The following SERGEF variants were observed in gnomAD, a reference collection of about 807,000 sequenced individuals.
SERGEF encodes the protein secretion-regulating guanine nucleotide exchange factor.
SERGEF carries 51 observed loss-of-function variants against 50.0 expected under a neutral mutation model. That is an observed-to-expected ratio of 1.02 (90% CI 0.81 to 1.29). The LOEUF is 1.29. SERGEF is among the 50% of genes most tolerant of loss of function. The pLI is 0.00. For synonymous variants in SERGEF, 205 were observed against 212.4 expected, an observed-to-expected ratio of 0.97 and a Z score of 0.30; for missense variants, 521 against 557.0, an observed-to-expected ratio of 0.94 and a Z score of 0.65.
rs1851274882 is a variant in SERGEF, at chr11:17,878,248, T to C, written c.1012-4A>G. On this transcript the variant is annotated splice_polypyrimidine_tract_variant and splice_region_variant and intron_variant, in intron 9 of 10. Coordinates refer to ENST00000265965, the MANE Select transcript of SERGEF (RefSeq NM_012139.4). ...TATGCTCTGAGCCACAAGAGACCTGTAAAAAAAAAAAAAGACAAAGAAAAT... is the reference window on the plus strand; with the variant it reads ...TATGCTCTGAGCCACAAGAGACCTGCAAAAAAAAAAAAAGACAAAGAAAAT... 1 of 1,073,028 alleles carries C rather than the reference T, an allele frequency of 9.3e-7. No individual in the cohort carries two copies. Among genetic ancestry groups the C allele is most frequent in the South Asian group, 1.7e-5 (1 of 58,800 alleles). The allele number at this position is 1,073,028 out of a possible 1,614,324, so 66.5% of individuals were successfully genotyped here.
intron 10 of SERGEF, among the ~76,000 whole-genome samples, chr11:17,849,025 A>G (rs1850667016): frequency 1.3e-5 from 2 of 152,236 alleles, no homozygotes; most frequent in South Asian, 4.1e-4. Context: ...CAAATCATAG[A>G]GAGATGAAAT....
At chr11:17,828,496 G>A (rs1476841245) in intron 10 of SERGEF, among the ~76,000 whole-genome samples, 1 of 152,218 alleles carries the variant, frequency 6.6e-6, no homozygotes, top group Non-Finnish European at 1.5e-5. Context: ...ACTTCAAGTG[G>A]AGGATCTGGC....
At chr11:17,887,161 C>T (rs1451054793) in intron 9 of SERGEF, among the ~76,000 whole-genome samples, 1 of 152,222 alleles carries the variant, frequency 6.6e-6, no homozygotes. Flanking sequence ...ATAGATCCTA[C>T]TGCTGAGGGC....
intron 6 of SERGEF, among the ~76,000 whole-genome samples, chr11:17,994,900 C>T (rs749680211): frequency 6.6e-6 from 1 of 152,166 alleles, no homozygotes; most frequent in Non-Finnish European, 1.5e-5. Context: ...TCCCACCATC[C>T]TCAAAAATCC....
chr11:17,810,878 CT>C (rs942986193), intron 10 of SERGEF, among the ~76,000 whole-genome samples: 8 of 152,038 alleles, frequency 5.3e-5, no homozygotes, highest in African/African-American at 1.9e-4. Flanking sequence ...CAAGCCAAGC[CT>C]AGCCACCGGA....
At chr11:17,890,491 G>T (rs112476684) in intron 9 of SERGEF, among the ~76,000 whole-genome samples, 1 of 152,078 alleles carries the variant, frequency 6.6e-6, no homozygotes, top group Non-Finnish European at 1.5e-5. Context: ...TTTTTCTCAC[G>T]TTTTCTCTCA....
intron 8 of SERGEF, among the ~76,000 whole-genome samples, chr11:17,981,333 G>A (rs1853491507): frequency 6.6e-6 from 1 of 152,168 alleles, no homozygotes; most frequent in East Asian, 1.9e-4. Context: ...CCAATTGCTT[G>A]CCGAAATGTA....
At chr11:17,833,055 G>A (rs951953358) in intron 10 of SERGEF, among the ~76,000 whole-genome samples, 1 of 152,214 alleles carries the variant, frequency 6.6e-6, no homozygotes, top group Non-Finnish European at 1.5e-5. Flanking sequence ...GTAACGAGGA[G>A]CCAAATGTTA....
intron 10 of SERGEF, among the ~76,000 whole-genome samples, chr11:17,814,624 G>A (rs1054060045): frequency 6.6e-6 from 1 of 152,174 alleles, no homozygotes; most frequent in African/African-American, 2.4e-5. Flanking sequence ...GACCCTTGGA[G>A]GTAGGTTTTG....
intron 9 of SERGEF, among the ~76,000 whole-genome samples, chr11:17,911,318 TTATATATATTATATATATATTATATATAA>T (rs1470149846): frequency 6.8e-6 from 1 of 146,594 alleles, no homozygotes; most frequent in Non-Finnish European, 1.5e-5. Context: ...TTGAGGTATT[TTATATATATTATATATATATTATATATAA>T]TATATATATT....
At chr11:17,891,130 G>A (rs779543893) in intron 9 of SERGEF, among the ~76,000 whole-genome samples, 2 of 152,150 alleles carry the variant, frequency 1.3e-5, no homozygotes, top group African/African-American at 4.8e-5. Flanking sequence ...AATTTATAAT[G>A]CTGGGAGAGA....
At chr11:17,841,200 T>A (rs767066765) in intron 10 of SERGEF, among the ~76,000 whole-genome samples, 1 of 152,194 alleles carries the variant, frequency 6.6e-6, no homozygotes, top group African/African-American at 2.4e-5. Context: ...CTAAGGCCAT[T>A]GTGGCCTACC....
intron 9 of SERGEF, among the ~76,000 whole-genome samples, chr11:17,945,624 G>C (rs934007831): frequency 6.6e-6 from 1 of 152,038 alleles, no homozygotes; most frequent in South Asian, 2.1e-4. Context: ...TTACTTGCCT[G>C]ATTTTAATGT....
At position 17,964,112 on chromosome 11, in the gene SERGEF, T is replaced by C. The variant is rs997395534; in HGVS notation, c.845-4476A>G. Among the ~76,000 whole-genome samples the C allele has an allele frequency of 3.9e-5, 6 of 152,226 alleles. 1 individual carries two copies. The Middle Eastern group carries it at 0.017, about 431-fold the overall frequency. On this transcript the variant is annotated intron_variant, in intron 8 of 10. Coordinates refer to ENST00000265965, the MANE Select transcript of SERGEF (RefSeq NM_012139.4). Reference sequence around the variant, plus strand: ...GGTGAGTAGGAAGATGATGAAGGTGTAGAGATGCTACATCAAGGGTCCCGC... The same window carrying C: ...GGTGAGTAGGAAGATGATGAAGGTGCAGAGATGCTACATCAAGGGTCCCGC...
intron 9 of SERGEF, among the ~76,000 whole-genome samples, chr11:17,887,820 A>T (rs1851459277): frequency 6.6e-6 from 1 of 152,242 alleles, no homozygotes; most frequent in Non-Finnish European, 1.5e-5. Context: ...GATACAGTGT[A>T]GTTCATTCAG....
At chr11:17,896,577 G>GA (rs1555008917) in intron 9 of SERGEF, among the ~76,000 whole-genome samples, 1 of 45,804 alleles carries the variant, frequency 2.2e-5, no homozygotes, top group Non-Finnish European at 4.3e-5. Context: ...AAGGGGAAGG[G>GA]AAGGGAAGGG....
intron 1 of SERGEF, 26 bp downstream of exon 1, chr11:18,012,925 A>C (rs1159948515): frequency 6.6e-7 from 1 of 1,522,642 alleles, no homozygotes; most frequent in Non-Finnish European, 8.7e-7. Context: ...CAGGGCCTGC[A>C]CCGGCCCGGG....
chr11:17,858,154 T>A (rs1185098770), intron 10 of SERGEF, among the ~76,000 whole-genome samples: 1 of 152,108 alleles, frequency 6.6e-6, no homozygotes, highest in Non-Finnish European at 1.5e-5. Flanking sequence ...ATCAGAGGCG[T>A]TGCCTGAAAG....
chr11:17,940,714 CGG>C (rs1293018893), intron 9 of SERGEF, among the ~76,000 whole-genome samples: 4 of 152,056 alleles, frequency 2.6e-5, no homozygotes, highest in African/African-American at 9.7e-5. Context: ...GCTGAGACCA[CGG>C]GGACACGCCA....
Sources: allele counts gnomAD v4.1 joint callset (sites outside exome capture counted in the v4.1 genomes callset), GRCh38; gene constraint gnomAD v4.1.1; transcripts MANE v1.5; gene names NCBI Gene and HGNC (gene_info 2026-07-23, HGNC 2026-07-21).